STK39: variants seen among roughly 807,000 people sequenced by gnomAD.
STK39 encodes the protein STE20/SPS1-related proline-alanine-rich protein kinase.
In STK39, 20 loss-of-function variants were observed where a neutral mutation model predicts 77.8. The observed-to-expected ratio is 0.26, with a 90% CI of 0.18 to 0.37. STK39 has a LOEUF of 0.37. Among genes scored for constraint, STK39 ranks in the 10% least tolerant of loss-of-function variants. STK39 has a pLI of 1.00. For synonymous variants in STK39, 246 were observed against 234.1 expected (o/e 1.05, Z -0.47); for missense variants, 479 against 656.5 (o/e 0.73, Z 2.95).
intron 16 of STK39, among the ~76,000 whole-genome samples, chr2:168,005,431 CA>C (rs1420740362): frequency 6.6e-6 from 1 of 150,574 alleles, no homozygotes; most frequent in East Asian, 1.9e-4. Flanking sequence ...AAAAAAAAAT[CA>C]ATCATAGTGA....
chr2:168,108,337 C>G (rs1016267718), intron 10 of STK39, among the ~76,000 whole-genome samples: 3 of 151,986 alleles, frequency 2.0e-5, no homozygotes, highest in Non-Finnish European at 4.4e-5. Context: ...CGCTTGAGCC[C>G]GGGAGTTCAA....
chr2:168,020,191 T>C (rs561137842), intron 14 of STK39, among the ~76,000 whole-genome samples: 45 of 152,276 alleles, frequency 3.0e-4, no homozygotes, highest in Non-Finnish European at 5.9e-4. Flanking sequence ...AAATTAAAAT[T>C]GACAATTTAA....
At chr2:168,200,550 G>A (rs773932756) in intron 1 of STK39, among the ~76,000 whole-genome samples, 18 of 152,010 alleles carry the variant, frequency 1.2e-4, no homozygotes, top group African/African-American at 2.7e-4. Context: ...GGTGGCATGC[G>A]CCTGTAACCC....
chr2:168,108,948 TC>T (rs1687051312), intron 10 of STK39, among the ~76,000 whole-genome samples: 1 of 152,160 alleles, frequency 6.6e-6, no homozygotes, highest in Non-Finnish European at 1.5e-5. Flanking sequence ...TTGTGGAGTG[TC>T]CCATTTAATA....
Position 168,108,583 on chromosome 2 carries a change from G to A in STK39, c.1089+20958C>T, listed in dbSNP as rs552878262. ...AAAGAAAAGAAAATAAAAAAAAAAA[G>A]AAACGATGGGGTACTTTTGCTAATG... On this transcript the variant is annotated intron_variant, in intron 10 of 17. Transcript: ENST00000355999. Among the ~76,000 whole-genome samples the A allele has an allele frequency of 4.5e-3, 676 of 150,732 alleles. 6 individuals are homozygous for A. Among genetic ancestry groups the A allele is most frequent in the African/African-American group, 0.016 (648 of 41,082 alleles).
At chr2:167,978,951 ATTAT>A (rs906875360) in intron 16 of STK39, among the ~76,000 whole-genome samples, 1 of 152,196 alleles carries the variant, frequency 6.6e-6, no homozygotes, top group African/African-American at 2.4e-5. Flanking sequence ...ATTGATCATG[ATTAT>A]TTTTTATTGA....
At chr2:168,017,323 A>G (rs138998219) in intron 14 of STK39, among the ~76,000 whole-genome samples, 1 of 152,160 alleles carries the variant, frequency 6.6e-6, no homozygotes, top group East Asian at 1.9e-4. Flanking sequence ...ATATCACAAA[A>G]TTCCAAAAAC....
chr2:168,153,921 G>A (rs1688358940), intron 5 of STK39, among the ~76,000 whole-genome samples: 1 of 152,172 alleles, frequency 6.6e-6, no homozygotes, highest in Admixed American at 6.5e-5. Context: ...GGGTTTTGAG[G>A]AAAGGCATAA....
At chr2:168,021,512 G>C (rs1193248139) in intron 14 of STK39, among the ~76,000 whole-genome samples, 1 of 152,108 alleles carries the variant, frequency 6.6e-6, no homozygotes, top group African/African-American at 2.4e-5. Flanking sequence ...TTAATTGAAA[G>C]TACATTTACT....
intron 12 of STK39, among the ~76,000 whole-genome samples, chr2:168,074,642 T>C (rs16854646): frequency 0.021 from 3,139 of 152,320 alleles, 114 homozygotes; most frequent in African/African-American, 0.072. Flanking sequence ...AAGGCAGTAA[T>C]CCTAAGAGTT....
At chr2:168,133,475 A>G (rs531894359) in intron 8 of STK39, among the ~76,000 whole-genome samples, 57 of 152,330 alleles carry the variant, frequency 3.7e-4, no homozygotes, top group African/African-American at 1.3e-3. Flanking sequence ...TCTTTGCTCA[A>G]ATCAGCTGAA....
At chr2:168,018,568 AAGAAAGAAAG>A (rs1188488431) in intron 14 of STK39, among the ~76,000 whole-genome samples, 9 of 143,324 alleles carry the variant, frequency 6.3e-5, no homozygotes, top group African/African-American at 2.2e-4. Flanking sequence ...GAAAGAAAGA[AAGAAAGAAAG>A]AAAGAAAGAA....
intron 15 of STK39, among the ~76,000 whole-genome samples, chr2:168,016,103 T>G (rs1293760379): frequency 6.6e-6 from 1 of 152,066 alleles, no homozygotes; most frequent in Non-Finnish European, 1.5e-5. Context: ...AGTTTTTGTA[T>G]TTTTAGTAGA....
chr2:168,090,149 A>C (rs1211827093), intron 10 of STK39, among the ~76,000 whole-genome samples: 1 of 152,240 alleles, frequency 6.6e-6, no homozygotes, highest in Admixed American at 6.5e-5. Context: ...CAAAATTCCA[A>C]AGATATTGAG....
At chr2:167,959,486 T>G (rs1691882735) in intron 17 of STK39, among the ~76,000 whole-genome samples, 1 of 152,146 alleles carries the variant, frequency 6.6e-6, no homozygotes, top group African/African-American at 2.4e-5. Flanking sequence ...AAAAAATGTC[T>G]GCCAAATATC....
chr2:168,101,339 A>G (rs773659437), intron 10 of STK39, among the ~76,000 whole-genome samples: 114 of 152,216 alleles, frequency 7.5e-4, no homozygotes, highest in Non-Finnish European at 1.2e-3. Context: ...CATGTATCCC[A>G]GAACTTAAAG....
intron 5 of STK39, among the ~76,000 whole-genome samples, chr2:168,145,283 G>A (rs896377726): frequency 5.9e-5 from 9 of 152,156 alleles, no homozygotes; most frequent in South Asian, 2.1e-4. Context: ...GGAATACAAT[G>A]GAGAAAAGAG....
intron 16 of STK39, among the ~76,000 whole-genome samples, chr2:167,973,211 A>C (rs1201880953): frequency 2.0e-5 from 3 of 152,192 alleles, no homozygotes; most frequent in Admixed American, 2.0e-4. Flanking sequence ...TTGGGAAATA[A>C]AAACAGCTTT....
intron 5 of STK39, among the ~76,000 whole-genome samples, chr2:168,160,441 G>A (rs192569221): frequency 2.5e-4 from 38 of 149,028 alleles, no homozygotes; most frequent in African/African-American, 6.6e-4. Flanking sequence ...CCTGTTAGTC[G>A]TAGTAACAGA....
Sources: gnomAD v4.1 joint callset for allele counts (sites outside exome capture counted in the v4.1 genomes callset) on GRCh38, gnomAD v4.1.1 for gene constraint, MANE v1.5 for transcripts, NCBI Gene and HGNC (gene_info 2026-07-23, HGNC 2026-07-21) for gene names.